Variants in PVT1 observed in about 807,000 individuals in gnomAD.
The protein encoded by PVT1 is CXCR4/PVT1 fusion.
intron 3 of PVT1, chr8:127,932,833 C>T (rs760799475): frequency 8.2e-5 from 21 of 255,650 alleles, no homozygotes; most frequent in Non-Finnish European, 1.2e-4. Context: ...CATGTATATG[C>T]GTATCTATCT....
intron 3 of PVT1, among the ~76,000 whole-genome samples, chr8:127,956,545 C>T (rs1049280887): frequency 3.9e-5 from 6 of 152,332 alleles, no homozygotes; most frequent in Admixed American, 1.3e-4. Flanking sequence ...AGTGCAGTGG[C>T]GTGATCTCGG....
At chr8:127,865,985 T>G (rs1302067290) in intron 2 of PVT1, among the ~76,000 whole-genome samples, 1 of 152,162 alleles carries the variant, frequency 6.6e-6, no homozygotes, top group African/African-American at 2.4e-5. Flanking sequence ...GGTTTGCAGA[T>G]CAGCGAGATA....
At chr8:127,868,791 A>ATG (rs1815312859) in intron 2 of PVT1, among the ~76,000 whole-genome samples, 3 of 34,898 alleles carry the variant, frequency 8.6e-5, no homozygotes, top group African/African-American at 1.5e-4. Flanking sequence ...ATATATATAT[A>ATG]TACATATATA....
chr8:127,986,872 C>A (rs1816975892), intron 3 of PVT1, among the ~76,000 whole-genome samples: 1 of 152,174 alleles, frequency 6.6e-6, no homozygotes, highest in Non-Finnish European at 1.5e-5. Context: ...GTTTGGCTGC[C>A]TTGGAAAGAG....
At chr8:127,862,106 A>T (rs1022381888) in intron 2 of PVT1, among the ~76,000 whole-genome samples, 8 of 152,300 alleles carry the variant, frequency 5.3e-5, no homozygotes, top group African/African-American at 1.9e-4. Flanking sequence ...AAACTCTTTT[A>T]AAAAAATTTT....
intron 2 of PVT1, among the ~76,000 whole-genome samples, chr8:127,804,497 AT>A: frequency 7.7e-6 from 1 of 129,814 alleles, no homozygotes; most frequent in South Asian, 2.4e-4. Flanking sequence ...TTAATTTTTT[AT>A]TTTTTTGTAT....
At chr8:128,041,406 CAT>C (rs1813537787) in intron 4 of PVT1, among the ~76,000 whole-genome samples, 1 of 140,148 alleles carries the variant, frequency 7.1e-6, no homozygotes, top group African/African-American at 2.8e-5. Context: ...TGTTTGTGTG[CAT>C]GTGTGTTTGT....
intron 3 of PVT1, among the ~76,000 whole-genome samples, chr8:127,937,311 G>A (rs926837558): frequency 3.3e-5 from 5 of 151,116 alleles, no homozygotes; most frequent in African/African-American, 9.8e-5. Context: ...GCAGTGGCAC[G>A]ATCTTGGCTC....
intron 3 of PVT1, among the ~76,000 whole-genome samples, chr8:127,915,754 A>G (rs533812866): frequency 7.2e-5 from 11 of 152,224 alleles, no homozygotes; most frequent in Non-Finnish European, 1.5e-4. Flanking sequence ...CACACAGTGT[A>G]GAAGTGGAAC....
At position 128,053,374 on chromosome 8, in the gene PVT1, TAC is replaced by T. The variant is rs781195455; in HGVS notation, n.913-16772_913-16771del. ...GGAGGGCTATATATACATATATATATACACACACACACACATATATATGTATT... is the reference window on the plus strand; with the variant it reads ...GGAGGGCTATATATACATATATATATACACACACACACATATATATGTATT... On this transcript the variant is annotated intron_variant and non_coding_transcript_variant, in intron 4 of 10. Coordinates refer to ENST00000651587, the Ensembl canonical transcript of PVT1. 3.7e-3 allele frequency among the ~76,000 whole-genome samples: 557 copies of T among 150,122 alleles called. 3 individuals are homozygous for T. The highest frequency in any genetic ancestry group is 0.012 in the African/African-American group (476 of 40,930).
At chr8:128,016,682 G>A (rs943556345) in intron 4 of PVT1, among the ~76,000 whole-genome samples, 1 of 152,230 alleles carries the variant, frequency 6.6e-6, no homozygotes, top group African/African-American at 2.4e-5. Context: ...CTGGTGCTGT[G>A]AGGGAGACGA....
rs555299814 is a variant in PVT1, at chr8:127,992,636, G to A, written n.912+3345G>A. Among the ~76,000 whole-genome samples the A allele has an allele frequency of 7.9e-5, 12 of 152,316 alleles. No homozygotes were observed. In the South Asian group the frequency reaches 2.5e-3, roughly 32 times the overall value. On this transcript the variant is annotated intron_variant and non_coding_transcript_variant, in intron 4 of 10. Transcript: ENST00000651587. ...CCGAGGAAATGGGCAATGAACAGGAGCCTGTTTGTTTCTCCTTCCAGCTCC... is the reference window on the plus strand; with the variant it reads ...CCGAGGAAATGGGCAATGAACAGGAACCTGTTTGTTTCTCCTTCCAGCTCC...
At chr8:127,944,251 C>T (rs537060705) in intron 3 of PVT1, among the ~76,000 whole-genome samples, 73 of 152,242 alleles carry the variant, frequency 4.8e-4, no homozygotes, top group African/African-American at 1.7e-3. Context: ...TTACACCTGG[C>T]CCATTTGACT....
At chr8:127,984,959 CCTT>C (rs1433680806) in intron 3 of PVT1, among the ~76,000 whole-genome samples, 35 of 142,910 alleles carry the variant, frequency 2.4e-4, no homozygotes, top group African/African-American at 9.8e-4. Flanking sequence ...TTCCTTCCTT[CCTT>C]CCTCCCTCCT....
intron 4 of PVT1, among the ~76,000 whole-genome samples, chr8:128,059,591 G>T (rs1813805312): frequency 6.6e-6 from 1 of 152,162 alleles, no homozygotes; most frequent in Admixed American, 6.5e-5. Flanking sequence ...ATCTCCTATG[G>T]CTGCATTATG....
chr8:128,006,145 T>TAAA (rs367569004), intron 4 of PVT1, among the ~76,000 whole-genome samples: 23,038 of 133,456 alleles, frequency 0.17, 2,067 homozygotes, highest in Non-Finnish European at 0.19. Context: ...ATAATAATAA[T>TAAA]AATAAAAAGA....
intron 2 of PVT1, among the ~76,000 whole-genome samples, chr8:127,814,903 T>G (rs1365013318): frequency 1.3e-5 from 2 of 152,228 alleles, no homozygotes; most frequent in Non-Finnish European, 2.9e-5. Context: ...AGCATCCGTA[T>G]AGGTGGAATC....
intron 2 of PVT1, among the ~76,000 whole-genome samples, chr8:127,884,591 A>G (rs1459797910): frequency 6.6e-6 from 1 of 152,228 alleles, no homozygotes; most frequent in Non-Finnish European, 1.5e-5. Flanking sequence ...GTGTCTGTTC[A>G]CCAGCACGTA....
chr8:127,960,937 T>TGGGGGG (rs71566655), intron 3 of PVT1, among the ~76,000 whole-genome samples: 2 of 21,998 alleles, frequency 9.1e-5, no homozygotes, highest in Non-Finnish European at 1.2e-4. Context: ...TGTGTGTGTT[T>TGGGGGG]GGGGGTGGGG....
Sources: allele counts gnomAD v4.1 joint callset (sites outside exome capture counted in the v4.1 genomes callset), GRCh38; gene constraint gnomAD v4.1.1; transcripts MANE v1.5; gene names NCBI Gene and HGNC (gene_info 2026-07-23, HGNC 2026-07-21).